Variants in SCAF11 observed in about 807,000 individuals in gnomAD.
SCAF11 encodes SR-related CTD associated factor 11.
A neutral mutation model predicts 140.5 loss-of-function variants in SCAF11; 47 were observed. That is an observed-to-expected ratio of 0.33 (90% CI 0.26 to 0.43). The LOEUF (loss-of-function observed/expected upper bound fraction) is 0.43. SCAF11 is among the 20% of genes least tolerant of loss of function. The probability of loss-of-function intolerance (pLI) is 1.00; values close to 1 mark genes in which losing one functional copy is unlikely to be tolerated. For synonymous variants in SCAF11, 557 were observed against 579.4 expected (o/e 0.96, Z 0.55); for missense variants, 1,645 against 1,705.1 (o/e 0.96, Z 0.62).
chr12:45,972,376 G>A (rs1946093221), intron 1 of SCAF11, among the ~76,000 whole-genome samples: 1 of 152,106 alleles, frequency 6.6e-6, no homozygotes, highest in Admixed American at 6.5e-5. Flanking sequence ...AAAGCTAGTA[G>A]TTAGAGACCA....
At position 45,945,209 on chromosome 12, in the gene SCAF11, CA is replaced by C. The variant is rs11348395; in HGVS notation, c.463+39del. On this transcript the variant is annotated intron_variant, in intron 6 of 14. Transcript: ENST00000369367. ...ACACAACCATTAAATTAAAAAACAA[CA>C]AAAAAAAAGGTAGAATCCACAAGCA... 26,613 of 1,220,432 alleles carry C rather than the reference CA, an allele frequency of 0.022. 3,593 individuals carry two copies. In the African/African-American group the frequency reaches 0.33, roughly 15 times the overall value. 75.6% of individuals were successfully genotyped at this position (1,220,432 alleles called of 1,614,324 possible). A position where few individuals can be genotyped will look rare whatever the true frequency, so the allele number is the denominator to read the frequency against.
chr12:45,990,901 C>CG (rs1946591303), upstream of SCAF11, among the ~76,000 whole-genome samples: 3 of 152,230 alleles, frequency 2.0e-5, no homozygotes, highest in South Asian at 6.2e-4. Context: ...GCCCACACTG[C>CG]GGATGGTGCG....
At chr12:45,992,005 C>A (rs1423317568), upstream of SCAF11, 13 of 1,288,854 alleles carry the variant, frequency 1.0e-5, no homozygotes, top group East Asian at 7.2e-4. Flanking sequence ...GTTTCCTCCC[C>A]ACTTTGCCGC....
chr12:45,977,025 C>G (rs1336420363), intron 1 of SCAF11, among the ~76,000 whole-genome samples: 1 of 151,986 alleles, frequency 6.6e-6, no homozygotes, highest in Non-Finnish European at 1.5e-5. Context: ...AAAAAAGAAA[C>G]CTCGAGGCCC....
Position 45,928,720 on chromosome 12 carries a change from T to C in SCAF11, c.981A>G (p.Thr327=), listed in dbSNP as rs770689641. The change falls in exon 11 of 15, where the codon ACA becomes ACG. Residue 327 remains threonine, a synonymous_variant. Transcript: ENST00000369367. ...GAGACTGACTGGCTGTTTCAGCTCTTGTGTTACGTGTAGACCTCCTTGTAG... is the reference window on the plus strand; with the variant it reads ...GAGACTGACTGGCTGTTTCAGCTCTCGTGTTACGTGTAGACCTCCTTGTAG... The part of the protein sequence containing the change: ...TTPTRRSTRN[T]RAETASQSQR... The C allele has an allele frequency of 6.2e-7, 1 of 1,614,100 alleles. No homozygotes were observed. Among genetic ancestry groups the C allele is most frequent in the Non-Finnish European group, 8.5e-7 (1 of 1,180,002 alleles).
intron 9 of SCAF11, among the ~76,000 whole-genome samples, chr12:45,932,566 T>C (rs1228943088): frequency 1.3e-5 from 2 of 152,162 alleles, no homozygotes; most frequent in South Asian, 2.1e-4. Context: ...TAATATGTTA[T>C]AGGAATTAAT....
At position 45,921,917 on chromosome 12, in the gene SCAF11, T is replaced by C. The variant is rs1190133341; in HGVS notation, c.*131A>G. 1.3e-5 allele frequency: 14 copies of C among 1,065,004 alleles called. No homozygotes were observed. The highest frequency in any genetic ancestry group is 1.8e-5 in the Non-Finnish European group (13 of 735,032). The allele number at this position is 1,065,004 out of a possible 1,614,324, so 66.0% of individuals were successfully genotyped here. A position where few individuals can be genotyped will look rare whatever the true frequency, so the allele number is the denominator to read the frequency against. ...TATTTATTTAGAACAAAACATCATA[T>C]CCTATGTTAAAAAAATAATTTTATC... On this transcript the variant is annotated 3_prime_UTR_variant, in exon 15 of 15. Coordinates refer to ENST00000369367, the MANE Select transcript of SCAF11 (RefSeq NM_004719.3).
intron 1 of SCAF11, among the ~76,000 whole-genome samples, chr12:45,980,530 T>C (rs1267392940): frequency 6.6e-6 from 1 of 152,166 alleles, no homozygotes; most frequent in Non-Finnish European, 1.5e-5. Flanking sequence ...ACCTAGCAAG[T>C]GATGGAGCTG....
chr12:45,972,476 T>G (rs892234764), intron 1 of SCAF11, among the ~76,000 whole-genome samples: 16 of 149,616 alleles, frequency 1.1e-4, no homozygotes, highest in African/African-American at 3.9e-4. Context: ...TCCCAGCTAA[T>G]CAGGTGACTG....
intron 11 of SCAF11, among the ~76,000 whole-genome samples, chr12:45,925,391 A>G (rs1944834777): frequency 6.6e-6 from 1 of 151,696 alleles, no homozygotes; most frequent in Non-Finnish European, 1.5e-5. Flanking sequence ...CGTCTCTACT[A>G]AAAAAATACA....
At chr12:45,934,575 C>A in intron 6 of SCAF11, 70 bp from the exon 7 acceptor site, 1 of 985,246 alleles carries the variant, frequency 1.0e-6, no homozygotes, top group South Asian at 2.1e-5. Flanking sequence ...AAACCAGCAT[C>A]GATACCAGCA....
At position 45,927,485 on chromosome 12, in the gene SCAF11, G is replaced by A; in HGVS notation, c.2216C>T (p.Ala739Val). The change falls in exon 11 of 15, where the codon GCT (alanine) becomes GTT (valine). Residue 739 changes from alanine to valine, a missense_variant. By Grantham distance (64) the Ala-to-Val change is moderately conservative. Transcript: ENST00000369367. ...ATTTTCATTCATTTGTTTAAGATCA[G>A]CATTTACAGATGGTTCAACTTCAGA... The part of the protein sequence containing the change: ...NESEVEPSVN[A>V]DLKQMNENSV... 6.2e-7 allele frequency: 1 copy of A among 1,613,718 alleles called. No homozygotes were observed. The highest frequency in any genetic ancestry group is 1.1e-5 in the South Asian group (1 of 91,028).
chr12:45,919,976 A>G lies in SCAF11; in HGVS notation c.*2072T>C, dbSNP rs980720646. On this transcript the variant is annotated 3_prime_UTR_variant, in exon 15 of 15. Transcript: ENST00000369367. ...TTAGGCTTAACTCAAAATACTTTCA[A>G]TGTTCACAAAATTGTTTCTAGAGTT... The G allele has an allele frequency of 6.6e-6, 1 of 152,240 alleles. No homozygotes were observed. The highest frequency in any genetic ancestry group is 1.9e-4 in the East Asian group (1 of 5,204). 9.4% of individuals were successfully genotyped at this position (152,240 alleles called of 1,614,324 possible).
At chr12:45,952,867 T>C (rs1427858300) in intron 3 of SCAF11, among the ~76,000 whole-genome samples, 1 of 152,208 alleles carries the variant, frequency 6.6e-6, no homozygotes, top group Non-Finnish European at 1.5e-5. Context: ...AAACTAGATA[T>C]ATTATTCCTA....
At chr12:45,992,037 C>T (rs1272787327), upstream of SCAF11, 4 of 1,288,848 alleles carry the variant, frequency 3.1e-6, no homozygotes, top group East Asian at 2.2e-4. Context: ...CCGACCGCTT[C>T]ACTGCCGCCT....
chr12:45,947,581 C>G lies in SCAF11; in HGVS notation c.398+856G>C, dbSNP rs574586579. Among the ~76,000 whole-genome samples, 14 of 152,308 alleles carry G rather than the reference C, an allele frequency of 9.2e-5. No individual in the cohort carries two copies. The South Asian group carries it at 2.7e-3, about 29-fold the overall frequency. On this transcript the variant is annotated intron_variant, in intron 5 of 14. Coordinates refer to ENST00000369367, the MANE Select transcript of SCAF11 (RefSeq NM_004719.3). ...ACTTTTTGTCCATAAGTAACTTGAT[C>G]AGTGCTATTTACAGTGTGGTATGAG...
chr12:45,956,273 G>A, intron 3 of SCAF11: 2 of 657,366 alleles, frequency 3.0e-6, no homozygotes, highest in Non-Finnish European at 5.6e-6. Flanking sequence ...AGGTTTGCCT[G>A]TTTGTGGGAA....
At position 45,922,943 on chromosome 12, in the gene SCAF11, G is replaced by A; in HGVS notation, c.4118C>T (p.Thr1373Ile). 6.2e-7 allele frequency: 1 copy of A among 1,614,014 alleles called. No homozygotes were observed. Among genetic ancestry groups the A allele is most frequent in the Non-Finnish European group, 8.5e-7 (1 of 1,179,904 alleles). ...TCTCAACCTTGAACTTGCCTTGTCT[G>A]TCTTCGAGCTATCTGCGCTGGCTTC... is the stretch of plus-strand genomic sequence containing the variant. ...AVEASADSSKTDKKLQIQEKA... is the reference protein window; with the variant it reads ...AVEASADSSKIDKKLQIQEKA... Residue 1373 changes from threonine to isoleucine, a missense_variant, in exon 13 of 15, where the codon ACA becomes ATA. Physicochemically the swap from Thr to Ile is moderately conservative, Grantham distance 89. This residue lies in a region of SCAF11 where 1,582 missense variants were observed against 1,609.2 expected (regional missense o/e 0.98). Coordinates refer to ENST00000369367, the MANE Select transcript of SCAF11 (RefSeq NM_004719.3).
rs1178423672 is a variant in SCAF11 at position 45,921,888 on chromosome 12, C to G, written c.*160G>C. On this transcript the variant is annotated 3_prime_UTR_variant, in exon 15 of 15. Transcript: ENST00000369367. Reference sequence around the variant, plus strand: ...AAGGATACAGAAGTTGCAGTGCAGACCTATATTTATTTAGAACAAAACATC... The same window carrying G: ...AAGGATACAGAAGTTGCAGTGCAGAGCTATATTTATTTAGAACAAAACATC... The G allele has an allele frequency of 3.8e-6, 3 of 797,962 alleles. No homozygotes were observed. Among genetic ancestry groups the G allele is most frequent in the Non-Finnish European group, 5.9e-6 (3 of 512,656 alleles). The allele number at this position is 797,962 out of a possible 1,614,324, so 49.4% of individuals were successfully genotyped here. A position where few individuals can be genotyped will look rare whatever the true frequency, so the allele number is the denominator to read the frequency against.
Sources: allele counts gnomAD v4.1 joint callset (sites outside exome capture counted in the v4.1 genomes callset), GRCh38; gene constraint gnomAD v4.1.1; regional missense constraint gnomAD v4.1.1; transcripts MANE v1.5; gene names NCBI Gene and HGNC (gene_info 2026-07-23, HGNC 2026-07-21).